Variants in UTS2B observed in about 807,000 individuals in gnomAD.
The protein encoded by UTS2B is urotensin 2B.
UTS2B carries 21 observed loss-of-function variants against 19.2 expected under a neutral mutation model. That is an observed-to-expected ratio of 1.09 (90% CI 0.78 to 1.58). UTS2B has a LOEUF of 1.58. UTS2B is among the 40% of genes most tolerant of loss of function. UTS2B has a pLI of 0.00. For missense variants in UTS2B, 138 were observed against 130.3 expected (o/e 1.06, Z -0.29); for synonymous variants, 57 against 50.2 (o/e 1.14, Z -0.58).
At chr3:191,333,654 A>G (rs1413166494), upstream of UTS2B, among the ~76,000 whole-genome samples, 1 of 152,188 alleles carries the variant, frequency 6.6e-6, no homozygotes, top group Non-Finnish European at 1.5e-5. Flanking sequence ...TTATGTAATC[A>G]GCAACTATTC....
At chr3:191,312,713 C>G (rs1474967613) in intron 3 of UTS2B, among the ~76,000 whole-genome samples, 1 of 152,164 alleles carries the variant, frequency 6.6e-6, no homozygotes. Context: ...AAGTGAGTCC[C>G]TGTGACTTCC....
intron 8 of UTS2B, among the ~76,000 whole-genome samples, chr3:191,269,211 T>C (rs1355934645): frequency 6.6e-6 from 1 of 152,218 alleles, no homozygotes; most frequent in Non-Finnish European, 1.5e-5. Context: ...TGTTGATCAG[T>C]GGTATTTACA....
At chr3:191,308,152 A>G (rs1206682968) in intron 3 of UTS2B, among the ~76,000 whole-genome samples, 1 of 152,122 alleles carries the variant, frequency 6.6e-6, no homozygotes, top group African/African-American at 2.4e-5. Flanking sequence ...CCTTTCTGTT[A>G]GTGGAAAACG....
At chr3:191,271,299 T>C (rs1716087812) in intron 8 of UTS2B, among the ~76,000 whole-genome samples, 1 of 151,938 alleles carries the variant, frequency 6.6e-6, no homozygotes, top group Non-Finnish European at 1.5e-5. Context: ...TCATTCATTA[T>C]GATTGCTTCC....
At position 191,267,741 on chromosome 3, in the gene UTS2B, T is replaced by C. The variant is rs930679614; in HGVS notation, c.*675A>G. On this transcript the variant is annotated 3_prime_UTR_variant, in exon 9 of 9. Coordinates refer to ENST00000340524, the MANE Select transcript of UTS2B (RefSeq NM_198152.5). ...GATGAAGTAATTCTTTAACATAACATTTGTATGTAGAAGTACAGTACATTT... is the reference window on the plus strand; with the variant it reads ...GATGAAGTAATTCTTTAACATAACACTTGTATGTAGAAGTACAGTACATTT... 3 of 152,196 alleles carry C rather than the reference T, an allele frequency of 2.0e-5. No homozygotes were observed. The highest frequency in any genetic ancestry group is 4.2e-4 in the South Asian group (2 of 4,812). 9.4% of individuals were successfully genotyped at this position (152,196 alleles called of 1,614,324 possible).
chr3:191,320,641 G>T lies in UTS2B; in HGVS notation c.-585-4202C>A, dbSNP rs143097327. On this transcript the variant is annotated intron_variant, in intron 2 of 8. Transcript: ENST00000340524. ...GAGAGATGATGAGGGTTTAGACCACGGTAGCAGCAGTCAGGAGATGAGATG... is the reference window on the plus strand; with the variant it reads ...GAGAGATGATGAGGGTTTAGACCACTGTAGCAGCAGTCAGGAGATGAGATG... 9.2e-5 allele frequency among the ~76,000 whole-genome samples: 14 copies of T among 152,312 alleles called. 1 individual carries two copies. Among genetic ancestry groups the T allele is most frequent in the African/African-American group, 2.6e-4 (11 of 41,566 alleles).
At chr3:191,274,295 A>C (rs79994592) in intron 8 of UTS2B, among the ~76,000 whole-genome samples, 3,960 of 152,284 alleles carry the variant, frequency 0.026, 254 homozygotes, top group East Asian at 0.26. Flanking sequence ...TCATGTAGAA[A>C]ATAATTGTAG....
the UTS2B span, among the ~76,000 whole-genome samples, chr3:191,341,171 A>G: frequency 2.6e-5 from 4 of 152,166 alleles, no homozygotes; most frequent in Admixed American, 6.5e-5. Context: ...GACTAGATCT[A>G]TGTTAATCAG....
chr3:191,327,712 T>A (rs2108619326), intron 2 of UTS2B, among the ~76,000 whole-genome samples: 1 of 152,326 alleles, frequency 6.6e-6, no homozygotes. Context: ...AGGGGCCTAG[T>A]GATTTATCTG....
chr3:191,273,247 A>G (rs1023618600), intron 8 of UTS2B: 1 of 311,690 alleles, frequency 3.2e-6, no homozygotes, highest in Non-Finnish European at 6.4e-6. Flanking sequence ...TGCTGCATGC[A>G]GTCACTAGAA....
rs1208014849 is a variant in UTS2B at position 191,282,056 on chromosome 3, C to G, written c.103+31G>C. 2.1e-6 allele frequency: 3 copies of G among 1,450,606 alleles called. No homozygotes were observed. The East Asian group carries it at 6.8e-5, about 33-fold the overall frequency. The allele number at this position is 1,450,606 out of a possible 1,614,324, so 89.9% of individuals were successfully genotyped here. ...TAGAAATAGAAGAATTACTTACCCA[C>G]CTGTAGGATTTTTAATTGATATGCA... On this transcript the variant is annotated intron_variant, in intron 5 of 8. Transcript: ENST00000340524.
At chr3:191,269,234 T>A (rs536381042) in intron 8 of UTS2B, among the ~76,000 whole-genome samples, 12 of 152,326 alleles carry the variant, frequency 7.9e-5, no homozygotes, top group African/African-American at 2.6e-4. Context: ...GAAAAAGAGT[T>A]GAAAAACATA....
chr3:191,340,916 G>T, the UTS2B span, among the ~76,000 whole-genome samples: 1 of 152,122 alleles, frequency 6.6e-6, no homozygotes, highest in Non-Finnish European at 1.5e-5. Flanking sequence ...GCTCACTGTG[G>T]CCTCAAGCTC....
In UTS2B at chr3:191,268,163, A is replaced by G. The variant is rs981032985; in HGVS notation, c.*253T>C. The stretch of plus-strand genomic sequence containing the variant: ...TTTCTGGGATAGGAATCTTGGTGAT[A>G]TGAAACCTCCCTGACTGCACGTCCA... On this transcript the variant is annotated 3_prime_UTR_variant, in exon 9 of 9. Transcript: ENST00000340524. The G allele has an allele frequency of 4.6e-5, 13 of 284,608 alleles. No individual in the cohort carries two copies. The highest frequency in any genetic ancestry group is 2.4e-4 in the African/African-American group (11 of 45,214). The allele number at this position is 284,608 out of a possible 1,614,324, so 17.6% of individuals were successfully genotyped here.
chr3:191,311,424 T>G (rs919425242), intron 3 of UTS2B, among the ~76,000 whole-genome samples: 3 of 152,216 alleles, frequency 2.0e-5, no homozygotes, highest in African/African-American at 7.2e-5. Context: ...CAGATTGATA[T>G]CTCTTTCTCT....
chr3:191,296,051 T>A (rs1448948702), intron 4 of UTS2B, among the ~76,000 whole-genome samples: 1 of 152,212 alleles, frequency 6.6e-6, no homozygotes, highest in East Asian at 1.9e-4. Flanking sequence ...CCATTACCCA[T>A]AGATAAATAT....
chr3:191,291,550 T>C (rs919126401), intron 4 of UTS2B, among the ~76,000 whole-genome samples: 20 of 152,078 alleles, frequency 1.3e-4, no homozygotes, highest in Admixed American at 1.3e-3. Context: ...CCACCTGGGT[T>C]CATGCCATTC....
At chr3:191,314,303 G>T (rs1717389279) in intron 3 of UTS2B, among the ~76,000 whole-genome samples, 1 of 152,106 alleles carries the variant, frequency 6.6e-6, no homozygotes, top group South Asian at 2.1e-4. Flanking sequence ...GTGCAGCTCT[G>T]TCCTCTTCAG....
At chr3:191,288,354 C>T (rs1716614185) in intron 4 of UTS2B, among the ~76,000 whole-genome samples, 1 of 152,144 alleles carries the variant, frequency 6.6e-6, no homozygotes, top group South Asian at 2.1e-4. Context: ...GGAGGCATCA[C>T]ATACACTACA....
Sources: gnomAD v4.1 joint callset for allele counts (sites outside exome capture counted in the v4.1 genomes callset) on GRCh38, gnomAD v4.1.1 for gene constraint, MANE v1.5 for transcripts, NCBI Gene and HGNC (gene_info 2026-07-23, HGNC 2026-07-21) for gene names.